Variants in KLF8 observed in about 807,000 individuals in gnomAD.
KLF8 encodes Krueppel-like factor 8.
In KLF8, 10 loss-of-function variants were observed where a neutral mutation model predicts 18.2. That is an observed-to-expected ratio of 0.55 (90% CI 0.34 to 0.93). The LOEUF is 0.93. Among genes scored for constraint, KLF8 ranks in the 40% least tolerant of loss-of-function variants. The pLI is 0.02. For missense variants in KLF8, 264 were observed against 277.9 expected (o/e 0.95, Z 0.36); for synonymous variants, 109 against 97.3 (o/e 1.12, Z -0.71).
the KLF8 span, among the ~76,000 whole-genome samples, chrX:56,106,799 AT>A: frequency 8.9e-6 from 1 of 111,987 alleles, no homozygotes; most frequent in Non-Finnish European, 1.9e-5. Flanking sequence ...AGGTGCTCTG[AT>A]TTTTAGAATT....
chrX:56,279,469 C>T (rs781435536), intron 5 of KLF8, among the ~76,000 whole-genome samples: 5 of 111,892 alleles, frequency 4.5e-5, no homozygotes, highest in Admixed American at 1.9e-4. Context: ...ATGTAAAAAG[C>T]GTGGCAAAAG....
chrX:56,212,790 T>C, the KLF8 span, among the ~76,000 whole-genome samples: 114 of 111,959 alleles, frequency 1.0e-3, no homozygotes, highest in African/African-American at 3.6e-3. Flanking sequence ...CTCCATATGA[T>C]GGTGTTTTTT....
At chrX:55,965,708 T>C in the KLF8 span, among the ~76,000 whole-genome samples, 1 of 112,216 alleles carries the variant, frequency 8.9e-6, no homozygotes, top group Non-Finnish European at 1.9e-5. Context: ...AAAATCAATG[T>C]ACAAAAATTA....
At chrX:56,134,432 C>T in the KLF8 span, among the ~76,000 whole-genome samples, 5 of 111,640 alleles carry the variant, frequency 4.5e-5, no homozygotes, top group Non-Finnish European at 9.4e-5. Context: ...CCCTTTTCAA[C>T]AAATGGTGCT....
chrX:56,087,583 C>A, the KLF8 span, among the ~76,000 whole-genome samples: 2 of 110,842 alleles, frequency 1.8e-5, no homozygotes, highest in African/African-American at 6.5e-5. Flanking sequence ...TGTGAGCCAA[C>A]TACACTTCTT....
At chrX:55,939,022 G>T in the KLF8 span, among the ~76,000 whole-genome samples, 4 of 111,678 alleles carry the variant, frequency 3.6e-5, no homozygotes, top group Non-Finnish European at 5.6e-5. Context: ...GCACCAAGTG[G>T]ACCTAATAGA....
chrX:56,007,171 C>T, the KLF8 span, among the ~76,000 whole-genome samples: 2 of 111,906 alleles, frequency 1.8e-5, no homozygotes. Flanking sequence ...GAGTATCTGG[C>T]TGCATTTATG....
the KLF8 span, among the ~76,000 whole-genome samples, chrX:56,129,463 C>T: frequency 4.5e-5 from 5 of 111,306 alleles, no homozygotes. Flanking sequence ...GGATCTGAGA[C>T]AATTTAGAGA....
At chrX:56,267,775 C>T (rs1180113370) in intron 3 of KLF8, 1 of 111,727 alleles carries the variant, frequency 9.0e-6, no homozygotes, top group Non-Finnish European at 1.9e-5. Context: ...ATAATAAATG[C>T]ATTACCTCAT....
chrX:56,189,671 C>A, the KLF8 span, among the ~76,000 whole-genome samples: 2 of 110,037 alleles, frequency 1.8e-5, no homozygotes, highest in Admixed American at 1.9e-4. Flanking sequence ...ACATATACAC[C>A]ATGGAATACT....
the KLF8 span, among the ~76,000 whole-genome samples, chrX:56,009,439 A>C: frequency 8.9e-6 from 1 of 111,918 alleles, no homozygotes; most frequent in African/African-American, 3.3e-5. Flanking sequence ...TCCTCACAAA[A>C]ACCTCATCCA....
chrX:56,030,498 T>C, the KLF8 span, among the ~76,000 whole-genome samples: 1 of 111,472 alleles, frequency 9.0e-6, no homozygotes, highest in Non-Finnish European at 1.9e-5. Flanking sequence ...AGATGGAGTA[T>C]TATTTTTCCA....
the KLF8 span, among the ~76,000 whole-genome samples, chrX:56,182,608 C>A: frequency 8.9e-6 from 1 of 112,055 alleles, no homozygotes; most frequent in Non-Finnish European, 1.9e-5. Flanking sequence ...GTTTTATCTA[C>A]CTTTGGTCTT....
chrX:56,046,438 A>T, the KLF8 span, among the ~76,000 whole-genome samples: 1 of 110,956 alleles, frequency 9.0e-6, no homozygotes, highest in Non-Finnish European at 1.9e-5. Flanking sequence ...GTACTATTTT[A>T]TTCATTGTGC....
the KLF8 span, among the ~76,000 whole-genome samples, chrX:56,186,113 G>A: frequency 8.9e-6 from 1 of 112,107 alleles, no homozygotes; most frequent in Non-Finnish European, 1.9e-5. Flanking sequence ...CCATCAGTAT[G>A]CTGTATTCAG....
chrX:55,999,001 T>C, the KLF8 span, among the ~76,000 whole-genome samples: 2 of 110,312 alleles, frequency 1.8e-5, no homozygotes, highest in Admixed American at 1.9e-4. Flanking sequence ...TTAATTTATC[T>C]TGAGTTAATT....
At chrX:56,188,982 A>G in the KLF8 span, among the ~76,000 whole-genome samples, 3 of 111,847 alleles carry the variant, frequency 2.7e-5, no homozygotes, top group African/African-American at 6.5e-5. Flanking sequence ...TGTCTAAAAC[A>G]CCAAAAGCAA....
the KLF8 span, among the ~76,000 whole-genome samples, chrX:56,209,608 G>A: frequency 1.8e-5 from 2 of 111,771 alleles, no homozygotes; most frequent in African/African-American, 6.5e-5. Flanking sequence ...GACAGAGGGA[G>A]ATTCCATCTC....
chrX:56,221,585 TG>T, the KLF8 span, among the ~76,000 whole-genome samples: 3 of 111,054 alleles, frequency 2.7e-5, no homozygotes, highest in Non-Finnish European at 5.7e-5. Context: ...TTCCTTCTGG[TG>T]GGTTCACGGT....
Sources: allele counts gnomAD v4.1 joint callset (sites outside exome capture counted in the v4.1 genomes callset), GRCh38; gene constraint gnomAD v4.1.1; transcripts MANE v1.5; gene names NCBI Gene and HGNC (gene_info 2026-07-23, HGNC 2026-07-21).